The following MAMDC2 variants were observed in gnomAD, a reference collection of about 807,000 sequenced individuals.
The protein encoded by MAMDC2 is MAM domain-containing protein 2.
MAMDC2 carries 57 observed loss-of-function variants against 89.8 expected under a neutral mutation model. That is an observed-to-expected ratio of 0.63 (90% confidence interval 0.51 to 0.79). The LOEUF (loss-of-function observed/expected upper bound fraction) is 0.79. Among genes scored for constraint, MAMDC2 ranks in the 30% least tolerant of loss-of-function variants. The probability of loss-of-function intolerance (pLI) is 0.00; values close to 1 mark genes in which losing one functional copy is unlikely to be tolerated. For synonymous variants in MAMDC2, 313 were observed against 293.4 expected (o/e 1.07, Z -0.68); for missense variants, 800 against 820.6 (o/e 0.97, Z 0.31).
rs540481563 is a variant in MAMDC2, at chr9:70,199,877, C to A, written c.1652-18460C>A. On this transcript the variant is annotated intron_variant, in intron 11 of 13. Transcript: ENST00000377182. ...TTGAGAAGTGTCTGTTCATGTCCTTCGCCCACTTTTTGATGGGGTTGTTTG... is the reference window on the plus strand; with the variant it reads ...TTGAGAAGTGTCTGTTCATGTCCTTAGCCCACTTTTTGATGGGGTTGTTTG... Among the ~76,000 whole-genome samples, 6 of 151,082 alleles carry A rather than the reference C, an allele frequency of 4.0e-5. 1 individual carries two copies. The South Asian group carries it at 1.1e-3, about 26-fold the overall frequency.
In MAMDC2 at chr9:70,044,107, C is replaced by A; in HGVS notation, c.-91C>A. On this transcript the variant is annotated 5_prime_UTR_variant, in exon 1 of 14. Coordinates refer to ENST00000377182, the MANE Select transcript of MAMDC2 (RefSeq NM_153267.5). ...TCCCTCCTTGGGTCCCCGGCGCCCC[C>A]GCCTCCCACGATCCCTTTCACTAGG... 6.6e-7 allele frequency: 1 copy of A among 1,511,346 alleles called. No individual in the cohort carries two copies. The allele number at this position is 1,511,346 out of a possible 1,614,324, so 93.6% of individuals were successfully genotyped here.
At chr9:70,193,812 C>G (rs17051690) in intron 11 of MAMDC2, among the ~76,000 whole-genome samples, 10,470 of 152,076 alleles carry the variant, frequency 0.069, 570 homozygotes, top group East Asian at 0.22. Flanking sequence ...TGAAGATATA[C>G]CTGTATTTGT....
chr9:70,193,280 C>T (rs1337937184), intron 11 of MAMDC2, among the ~76,000 whole-genome samples: 1 of 152,062 alleles, frequency 6.6e-6, no homozygotes, highest in African/African-American at 2.4e-5. Context: ...ACTGATGTCA[C>T]TGAAATTTCT....
At chr9:70,131,753 A>AT in intron 7 of MAMDC2, 141 bp downstream of exon 7, 3 of 662,144 alleles carry the variant, frequency 4.5e-6, no homozygotes, top group Non-Finnish European at 7.7e-6. Context: ...ATCAAAGGTC[A>AT]TTTTTCTGGA....
intron 2 of MAMDC2, among the ~76,000 whole-genome samples, chr9:70,074,945 T>C (rs889849033): frequency 6.6e-6 from 1 of 152,114 alleles, no homozygotes; most frequent in African/African-American, 2.4e-5. Flanking sequence ...TGCTGAAAAA[T>C]ACAGTGTTTA....
chr9:70,165,121 T>C (rs2032129813), intron 9 of MAMDC2, among the ~76,000 whole-genome samples: 1 of 152,004 alleles, frequency 6.6e-6, no homozygotes, highest in African/African-American at 2.4e-5. Context: ...AAATAAGAGG[T>C]TAATCCCCTC....
At chr9:70,218,007 G>A (rs967921455) in intron 11 of MAMDC2, among the ~76,000 whole-genome samples, 2 of 152,066 alleles carry the variant, frequency 1.3e-5, no homozygotes, top group Non-Finnish European at 2.9e-5. Flanking sequence ...CCAAACCAAC[G>A]TCTGGAAGCT....
intron 2 of MAMDC2, among the ~76,000 whole-genome samples, chr9:70,048,366 T>A (rs1826807175): frequency 6.6e-6 from 1 of 152,130 alleles, no homozygotes; most frequent in Non-Finnish European, 1.5e-5. Context: ...ACTTCGCCTC[T>A]CGGGTTCAAG....
At chr9:70,062,287 T>G (rs946483647) in intron 2 of MAMDC2, among the ~76,000 whole-genome samples, 1 of 152,060 alleles carries the variant, frequency 6.6e-6, no homozygotes, top group Non-Finnish European at 1.5e-5. Context: ...ACACTATCTC[T>G]TTATATATTT....
rs60292765 is a variant in MAMDC2, at chr9:70,099,980, A to AAGAGAGAGAGAGAGAGAGAG, written c.149-8206_149-8187dup. 3.0e-4 allele frequency among the ~76,000 whole-genome samples: 35 copies of AAGAGAGAGAGAGAGAGAGAG among 115,638 alleles called. 1 individual carries two copies. Among genetic ancestry groups the AAGAGAGAGAGAGAGAGAGAG allele is most frequent in the Middle Eastern group, 5.9e-3 (1 of 170 alleles). 75.9% of individuals were successfully genotyped at this position (115,638 alleles called of 152,430 possible). ...ACAGAGCAAGACTCTGCCAAAAAGAAAGAGAGAGAGAGAGAGAGAGAGAGA... is the reference window on the plus strand; with the variant it reads ...ACAGAGCAAGACTCTGCCAAAAAGAAAGAGAGAGAGAGAGAGAGAGAGAGAGAGAGAGAGAGAGAGAGAGA... On this transcript the variant is annotated intron_variant, in intron 2 of 13. Coordinates refer to ENST00000377182, the MANE Select transcript of MAMDC2 (RefSeq NM_153267.5).
intron 2 of MAMDC2, among the ~76,000 whole-genome samples, chr9:70,045,184 CA>C (rs1826717682): frequency 6.6e-6 from 1 of 152,214 alleles, no homozygotes; most frequent in Admixed American, 6.5e-5. Context: ...TTGACCCTGA[CA>C]GTGTTTTTTG....
intron 7 of MAMDC2, among the ~76,000 whole-genome samples, chr9:70,135,469 T>G (rs1026512416): frequency 4.0e-5 from 6 of 150,712 alleles, no homozygotes; most frequent in African/African-American, 1.5e-4. Context: ...GTTATGCTTT[T>G]GAGATTTTTT....
chr9:70,156,711 T>C (rs1368866894), intron 9 of MAMDC2, among the ~76,000 whole-genome samples: 2 of 152,244 alleles, frequency 1.3e-5, no homozygotes, highest in Non-Finnish European at 2.9e-5. Context: ...GAGCTAAGTA[T>C]GGAAAAGGAA....
chr9:70,210,932 T>C (rs937305826), intron 11 of MAMDC2, among the ~76,000 whole-genome samples: 2 of 152,346 alleles, frequency 1.3e-5, no homozygotes, highest in Admixed American at 1.3e-4. Context: ...GAAAATTCTT[T>C]TCTTTAAGAA....
intron 11 of MAMDC2, among the ~76,000 whole-genome samples, chr9:70,212,863 A>G (rs1163608558): frequency 1.3e-5 from 2 of 152,216 alleles, no homozygotes; most frequent in African/African-American, 2.4e-5. Flanking sequence ...CTGAAAGCAT[A>G]GTAGACTTCA....
chr9:70,092,670 C>T (rs1278914356), intron 2 of MAMDC2: 1 of 152,176 alleles, frequency 6.6e-6, no homozygotes. Flanking sequence ...CCCTGGACAA[C>T]AAATGGCTAT....
intron 11 of MAMDC2, among the ~76,000 whole-genome samples, chr9:70,199,287 G>A (rs1185349879): frequency 7.5e-6 from 1 of 133,502 alleles, no homozygotes; most frequent in Non-Finnish European, 1.6e-5. Flanking sequence ...ACCTATGAGT[G>A]AGAATATGCG....
At chr9:70,211,900 C>G (rs2033361476) in intron 11 of MAMDC2, among the ~76,000 whole-genome samples, 1 of 152,230 alleles carries the variant, frequency 6.6e-6, no homozygotes, top group South Asian at 2.1e-4. Flanking sequence ...CCACTCCAGA[C>G]TCTGTTTGCC....
At chr9:70,163,751 C>T (rs934133088) in intron 9 of MAMDC2, among the ~76,000 whole-genome samples, 8 of 151,734 alleles carry the variant, frequency 5.3e-5, no homozygotes, top group East Asian at 2.0e-4. Flanking sequence ...TCCAGGAGTT[C>T]GAGACCAGCC....
Sources: allele counts gnomAD v4.1 joint callset (sites outside exome capture counted in the v4.1 genomes callset), GRCh38; gene constraint gnomAD v4.1.1; transcripts MANE v1.5; gene names NCBI Gene and HGNC (gene_info 2026-07-23, HGNC 2026-07-21).